The following ADAM7 variants were observed in gnomAD, a reference collection of about 807,000 sequenced individuals.
ADAM7 encodes disintegrin and metalloproteinase domain-containing protein 7.
A neutral mutation model predicts 102.9 loss-of-function variants in ADAM7; 97 were observed. The observed-to-expected ratio is 0.94, with a 90% CI of 0.80 to 1.12. The LOEUF (loss-of-function observed/expected upper bound fraction) is 1.12. Among genes scored for constraint, ADAM7 ranks in the 50% most tolerant of loss-of-function variants. The pLI, the probability that ADAM7 is intolerant of heterozygous loss-of-function variation, is 0.00. For synonymous variants in ADAM7, 334 were observed against 304.4 expected, an observed-to-expected ratio of 1.10 and a Z score of -1.01; for missense variants, 991 against 908.7, an observed-to-expected ratio of 1.09 and a Z score of -1.16.
At chr8:24,454,648 T>C (rs1200455753) in intron 3 of ADAM7, among the ~76,000 whole-genome samples, 2 of 152,066 alleles carry the variant, frequency 1.3e-5, no homozygotes, top group African/African-American at 2.4e-5. Flanking sequence ...TCGTGCACGG[T>C]GCGCTGCACC....
chr8:24,458,920 ATTATT>A (rs1045723060), intron 3 of ADAM7, among the ~76,000 whole-genome samples: 42 of 151,910 alleles, frequency 2.8e-4, no homozygotes, highest in African/African-American at 1.0e-3. Context: ...TTTATAATAA[ATTATT>A]TTATTTAATT....
In ADAM7 at chr8:24,447,281, C is replaced by A. The variant is rs750711524; in HGVS notation, c.233+19C>A. ...GATCCAGGTAAGTTCTATTGTGATT[C>A]CAGTACCTTATAGATTTTAGTAATT... On this transcript the variant is annotated intron_variant, in intron 3 of 21. Coordinates refer to ENST00000175238, the MANE Select transcript of ADAM7 (RefSeq NM_003817.4). 7.3e-7 allele frequency: 1 copy of A among 1,372,740 alleles called. No individual in the cohort carries two copies. The allele number at this position is 1,372,740 out of a possible 1,614,324, so 85.0% of individuals were successfully genotyped here. A position where few individuals can be genotyped will look rare whatever the true frequency, so the allele number is the denominator to read the frequency against.
chr8:24,457,709 C>A (rs1241106514), intron 3 of ADAM7, among the ~76,000 whole-genome samples: 7 of 152,180 alleles, frequency 4.6e-5, no homozygotes, highest in Non-Finnish European at 4.4e-5. Context: ...TTATCAGTTT[C>A]TTTCTTTATG....
At chr8:24,452,459 A>T (rs1162694877) in intron 3 of ADAM7, among the ~76,000 whole-genome samples, 24 of 150,816 alleles carry the variant, frequency 1.6e-4, no homozygotes, top group African/African-American at 5.6e-4. Context: ...TTTATCAGAG[A>T]CTAGGATTGC....
chr8:24,475,931 G>A (rs1401965898), intron 7 of ADAM7: 1 of 456,548 alleles, frequency 2.2e-6, no homozygotes, highest in Admixed American at 2.3e-5. Context: ...ATTTCCTGGA[G>A]GGAAGGGGTA....
At chr8:24,465,584 A>G in intron 4 of ADAM7, 115 bp from the exon 5 acceptor site, 1 of 537,286 alleles carries the variant, frequency 1.9e-6, no homozygotes. Context: ...ACAAATATCA[A>G]TGCAATTTGT....
chr8:24,468,727 T>G lies in ADAM7; in HGVS notation c.580-40T>G, dbSNP rs373771228. The G allele has an allele frequency of 8.5e-5, 133 of 1,570,374 alleles. 1 individual carries two copies. The highest frequency in any genetic ancestry group is 1.4e-5 in the African/African-American group (1 of 73,970). Reference sequence around the variant, plus strand: ...CAACTTAAAGGGTTAAGATAGAAAGTGTTAACTATACTTCAACTGAATTTT... The same window carrying G: ...CAACTTAAAGGGTTAAGATAGAAAGGGTTAACTATACTTCAACTGAATTTT... On this transcript the variant is annotated intron_variant, in intron 6 of 21. Coordinates refer to ENST00000175238, the MANE Select transcript of ADAM7 (RefSeq NM_003817.4).
At chr8:24,483,789 T>C (rs1820041236) in intron 9 of ADAM7, among the ~76,000 whole-genome samples, 1 of 152,208 alleles carries the variant, frequency 6.6e-6, no homozygotes. Context: ...TTTATACATG[T>C]ATTTTTTAAT....
chr8:24,457,550 A>C (rs995744682), intron 3 of ADAM7, among the ~76,000 whole-genome samples: 11 of 152,188 alleles, frequency 7.2e-5, no homozygotes, highest in Non-Finnish European at 1.3e-4. Context: ...TGATAGGATT[A>C]CAGGCATGAG....
chr8:24,444,037 C>A (rs1357306126), intron 2 of ADAM7, among the ~76,000 whole-genome samples: 1 of 150,952 alleles, frequency 6.6e-6, no homozygotes, highest in South Asian at 2.1e-4. Context: ...AAACAATGAA[C>A]CTAAAGCTTC....
chr8:24,485,063 CA>C (rs1820089859), intron 9 of ADAM7, among the ~76,000 whole-genome samples: 2 of 151,894 alleles, frequency 1.3e-5, no homozygotes, highest in African/African-American at 4.8e-5. Flanking sequence ...CTCGGCCTCC[CA>C]AGTGCACTGG....
At chr8:24,465,273 C>T (rs769598022) in intron 4 of ADAM7, among the ~76,000 whole-genome samples, 1 of 152,084 alleles carries the variant, frequency 6.6e-6, no homozygotes, top group Non-Finnish European at 1.5e-5. Flanking sequence ...AAAATAATTA[C>T]CTGATTGGAC....
chr8:24,505,976 T>A, intron 20 of ADAM7: 3 of 766,250 alleles, frequency 3.9e-6, no homozygotes, highest in Non-Finnish European at 4.4e-6. Flanking sequence ...AGACAGGCCC[T>A]GAGATAGACT....
At chr8:24,473,561 C>G (rs1028249537) in intron 7 of ADAM7, among the ~76,000 whole-genome samples, 1 of 152,108 alleles carries the variant, frequency 6.6e-6, no homozygotes, top group African/African-American at 2.4e-5. Context: ...ATGTCCAAGA[C>G]TAGAATCAAC....
In ADAM7 at chr8:24,509,251, G is replaced by A. The variant is rs1314996989; in HGVS notation, c.*705G>A. ...TCAGAAAATTTACTCCAAGTGAGAG[G>A]ACATACTCACAACTCCTATGAAGGG... is the stretch of plus-strand genomic sequence containing the variant. On this transcript the variant is annotated 3_prime_UTR_variant, in exon 22 of 22. Coordinates refer to ENST00000175238, the MANE Select transcript of ADAM7 (RefSeq NM_003817.4). The A allele has an allele frequency of 6.1e-6, 6 of 985,396 alleles. No homozygotes were observed. The highest frequency in any genetic ancestry group is 7.2e-6 in the Non-Finnish European group (6 of 829,962). The allele number at this position is 985,396 out of a possible 1,614,324, so 61.0% of individuals were successfully genotyped here.
At chr8:24,475,770 G>A (rs1819748157) in intron 7 of ADAM7, 4 of 248,244 alleles carry the variant, frequency 1.6e-5, no homozygotes, top group Admixed American at 1.5e-4. Context: ...ATCCCTACAG[G>A]ACACCTTATG....
chr8:24,509,143 C>T lies in ADAM7; in HGVS notation c.*597C>T. ...TGGTGGGAAAGGAAAACACAGAATG[C>T]TCCTGGCAATTCTAAATTCCTAGGT... On this transcript the variant is annotated 3_prime_UTR_variant, in exon 22 of 22. Transcript: ENST00000175238. 1.0e-6 allele frequency: 1 copy of T among 985,440 alleles called. No homozygotes were observed. The highest frequency in any genetic ancestry group is 1.2e-6 in the Non-Finnish European group (1 of 829,960). 61.0% of individuals were successfully genotyped at this position (985,440 alleles called of 1,614,324 possible). A position where few individuals can be genotyped will look rare whatever the true frequency, so the allele number is the denominator to read the frequency against.
intron 3 of ADAM7, among the ~76,000 whole-genome samples, chr8:24,459,143 T>C (rs977199790): frequency 3.3e-5 from 5 of 151,940 alleles, no homozygotes; most frequent in Non-Finnish European, 5.9e-5. Flanking sequence ...CTTGAGCATA[T>C]TTGTGTGTAT....
chr8:24,447,242 C>G lies in ADAM7; in HGVS notation c.213C>G (p.Val71=). 1 of 1,521,680 alleles carries G rather than the reference C, an allele frequency of 6.6e-7. No homozygotes were observed. Among genetic ancestry groups the G allele is most frequent in the Non-Finnish European group, 9.0e-7 (1 of 1,113,908 alleles). 94.3% of individuals were successfully genotyped at this position (1,521,680 alleles called of 1,614,324 possible). ...TAAAACTAAATAGAAAAACCTTAGTCCTTCATCTTCTAAGATCCAGGTAAG... is the reference window on the plus strand; with the variant it reads ...TAAAACTAAATAGAAAAACCTTAGTGCTTCATCTTCTAAGATCCAGGTAAG... ...YEIKLNRKTL[V]LHLLRSREFL... Residue 71 remains valine, a synonymous_variant, in exon 3 of 22, where the codon GTC becomes GTG. Transcript: ENST00000175238.
Sources: allele counts gnomAD v4.1 joint callset (sites outside exome capture counted in the v4.1 genomes callset), GRCh38; gene constraint gnomAD v4.1.1; transcripts MANE v1.5; gene names NCBI Gene and HGNC (gene_info 2026-07-23, HGNC 2026-07-21).